Variants in CD164 observed in about 807,000 individuals in gnomAD.
CD164 encodes the protein CD164 molecule.
Under a neutral mutation model 24.6 loss-of-function variants are expected in CD164, and 11 were observed. The ratio of observed to expected loss-of-function variants is 0.45; its 90% CI spans 0.28 to 0.74. CD164 has a LOEUF of 0.74. CD164 is among the 30% of genes least tolerant of loss of function. The pLI is 0.13. For missense variants in CD164, 295 were observed against 243.7 expected (o/e 1.21, Z -1.40); for synonymous variants, 126 against 100.3 (o/e 1.26, Z -1.53).
chr6:109,368,791 T>C lies in CD164; in HGVS notation c.*60A>G. 1 of 1,551,854 alleles carries C rather than the reference T, an allele frequency of 6.4e-7. No individual in the cohort carries two copies. Among genetic ancestry groups the C allele is most frequent in the Non-Finnish European group, 8.7e-7 (1 of 1,154,690 alleles). ...ATGTGGGACATCTTAAAAGATAGTATTTTGGCTTCAGTGAGTTACACAAAT... is the reference window on the plus strand; with the variant it reads ...ATGTGGGACATCTTAAAAGATAGTACTTTGGCTTCAGTGAGTTACACAAAT... On this transcript the variant is annotated 3_prime_UTR_variant, in exon 6 of 6. Transcript: ENST00000310786.
chr6:109,382,094 G>T (rs986812946), intron 1 of CD164, 110 bp downstream of exon 1: 16 of 991,780 alleles, frequency 1.6e-5, no homozygotes, highest in Non-Finnish European at 2.1e-5. Context: ...CCCCGAGCGC[G>T]GCCCGCCCGC....
Position 109,370,446 on chromosome 6 carries a change from G to A in CD164, c.392C>T (p.Ser131Phe). The stretch of plus-strand genomic sequence containing the variant: ...AACTGTCTTGGAAGTTGTAGAAGGG[G>A]AGGGCTGAACTGTGGGTTTAGCTGG... ...NSTAKPTVQP[S>F]PSTTSKTVTT... The change falls in exon 5 of 6, where the codon TCC (serine) becomes TTC (phenylalanine). Residue 131 changes from serine (S) to phenylalanine (F), a missense_variant. By Grantham distance (155) the Ser-to-Phe change is radical (BLOSUM62 -2). Transcript: ENST00000310786. 1.9e-6 allele frequency: 3 copies of A among 1,613,254 alleles called. No homozygotes were observed. Among genetic ancestry groups the A allele is most frequent in the Non-Finnish European group, 2.5e-6 (3 of 1,179,528 alleles).
chr6:109,368,349 A>C lies in CD164; in HGVS notation c.*502T>G, dbSNP rs1770885238. On this transcript the variant is annotated 3_prime_UTR_variant, in exon 6 of 6. Transcript: ENST00000310786. ...TTCTAATGTAGAAAAAACAGCTGTT[A>C]TCAAGCACAAAATTTTAATCTAAGG... 13 of 1,531,180 alleles carry C rather than the reference A, an allele frequency of 8.5e-6. No individual in the cohort carries two copies. The highest frequency in any genetic ancestry group is 1.1e-5 in the Non-Finnish European group (13 of 1,138,814). The allele number at this position is 1,531,180 out of a possible 1,614,324, so 94.8% of individuals were successfully genotyped here.
chr6:109,368,021 CT>C lies in CD164; in HGVS notation c.*829del. On this transcript the variant is annotated 3_prime_UTR_variant, in exon 6 of 6. Transcript: ENST00000310786. The stretch of plus-strand genomic sequence containing the variant: ...TTCAATTCTGTATAACAGACTTTAG[CT>C]TAAGTTTCTCCGCTCTGAAATAAAT... 3.4e-6 allele frequency: 1 copy of C among 293,078 alleles called. No individual in the cohort carries two copies. Among genetic ancestry groups the C allele is most frequent in the Middle Eastern group, 6.1e-4 (1 of 1,638 alleles). 18.2% of individuals were successfully genotyped at this position (293,078 alleles called of 1,614,324 possible).
intron 1 of CD164, chr6:109,381,535 A>C (rs1444596152): frequency 1.4e-6 from 1 of 702,616 alleles, no homozygotes; most frequent in Non-Finnish European, 2.6e-6. Context: ...ACGTACGCAA[A>C]ACACCCGGTA....
intron 3 of CD164, 27 bp from the exon 4 acceptor site, chr6:109,376,139 C>A: frequency 6.6e-7 from 1 of 1,523,598 alleles, no homozygotes; most frequent in South Asian, 1.2e-5. Flanking sequence ...AAAGAAAAAC[C>A]ATATACATCA....
chr6:109,375,869 C>T (rs1434250067), intron 4 of CD164: 1 of 514,210 alleles, frequency 1.9e-6, no homozygotes, highest in Non-Finnish European at 3.3e-6. Flanking sequence ...AATCTGCTCA[C>T]ATTCACCGAC....
chr6:109,374,767 C>T (rs139109575), intron 4 of CD164, among the ~76,000 whole-genome samples: 1 of 152,306 alleles, frequency 6.6e-6, no homozygotes, highest in East Asian at 1.9e-4. Flanking sequence ...CACCGTACTA[C>T]TTCACATCTC....
rs1770912030 is a variant in CD164, at chr6:109,368,787, A to G, written c.*64T>C. ...TTCCATGTGGGACATCTTAAAAGAT[A>G]GTATTTTGGCTTCAGTGAGTTACAC... On this transcript the variant is annotated 3_prime_UTR_variant, in exon 6 of 6. Coordinates refer to ENST00000310786, the MANE Select transcript of CD164 (RefSeq NM_006016.6). The G allele has an allele frequency of 1.9e-6, 3 of 1,543,904 alleles. No homozygotes were observed. Among genetic ancestry groups the G allele is most frequent in the Non-Finnish European group, 1.7e-6 (2 of 1,150,990 alleles).
rs1340533310 is a variant in CD164 at position 109,382,192 on chromosome 6, G to A, written c.175+12C>T. 2 of 1,535,876 alleles carry A rather than the reference G, an allele frequency of 1.3e-6. No individual in the cohort carries two copies. The highest frequency in any genetic ancestry group is 1.2e-5 in the South Asian group (1 of 82,628). ...CAGGGGAGGGCGGGAAGCCCACAGG[G>A]CCCGCGCCCACCTGGTGCCGGAGTG... On this transcript the variant is annotated intron_variant, in intron 1 of 5. Coordinates refer to ENST00000310786, the MANE Select transcript of CD164 (RefSeq NM_006016.6).
Position 109,382,381 on chromosome 6 carries a change from T to C in CD164, c.-3A>G, listed in dbSNP as rs376141842. ...AGTGAGCGGGAGAGCCGCGACATCG[T>C]GTCCTCAGCGCTGGCGTTCGGGAGA... On this transcript the variant is annotated 5_prime_UTR_variant, in exon 1 of 6. Transcript: ENST00000310786. 50 of 1,532,064 alleles carry C rather than the reference T, an allele frequency of 3.3e-5. No individual in the cohort carries two copies. The highest frequency in any genetic ancestry group is 2.8e-4 in the Admixed American group (14 of 50,412). 94.9% of individuals were successfully genotyped at this position (1,532,064 alleles called of 1,614,324 possible).
In CD164 at chr6:109,368,271, G is replaced by A. The variant is rs985708799; in HGVS notation, c.*580C>T. On this transcript the variant is annotated 3_prime_UTR_variant, in exon 6 of 6. Coordinates refer to ENST00000310786, the MANE Select transcript of CD164 (RefSeq NM_006016.6). ...CAATAATCTGTTATACACACTAATG[G>A]TATCCTTTCATTTCTTTAAATCTGG... The A allele has an allele frequency of 1.3e-6, 2 of 1,539,500 alleles. No homozygotes were observed. The highest frequency in any genetic ancestry group is 2.8e-5 in the African/African-American group (2 of 72,406).
chr6:109,380,416 C>T (rs1431089692), intron 1 of CD164: 1 of 152,160 alleles, frequency 6.6e-6, no homozygotes, highest in Non-Finnish European at 1.5e-5. Context: ...GAATTGGGCT[C>T]CATTCATTTT....
chr6:109,376,145 C>A (rs764887351), intron 3 of CD164, 33 bp from the exon 4 acceptor site: 2 of 1,492,766 alleles, frequency 1.3e-6, no homozygotes, highest in Non-Finnish European at 1.8e-6. Context: ...AAACCATATA[C>A]ATCAAAGCTA....
At chr6:109,373,951 C>A (rs1048237718) in intron 4 of CD164, among the ~76,000 whole-genome samples, 1 of 152,170 alleles carries the variant, frequency 6.6e-6, no homozygotes, top group African/African-American at 2.4e-5. Flanking sequence ...AAGCCAGCTC[C>A]ACACACCACT....
rs1049311744 is a variant in CD164, at chr6:109,366,771, T to C, written c.*2080A>G. The C allele has an allele frequency of 1.0e-4, 16 of 152,608 alleles. No individual in the cohort carries two copies. The highest frequency in any genetic ancestry group is 3.4e-4 in the African/African-American group (14 of 41,436). The allele number at this position is 152,608 out of a possible 1,614,324, so 9.5% of individuals were successfully genotyped here. ...AAAATTAATGGCTCAAGATACTACA[T>C]TGCTAAAGTTAGGGGAAAAAAGTAA... On this transcript the variant is annotated 3_prime_UTR_variant, in exon 6 of 6. Transcript: ENST00000310786.
chr6:109,378,111 T>C (rs1454105823), intron 2 of CD164, 140 bp from the exon 3 acceptor site: 1 of 630,924 alleles, frequency 1.6e-6, no homozygotes, highest in South Asian at 2.0e-5. Flanking sequence ...TGTTTTGACC[T>C]AAAGTTAAAC....
At chr6:109,371,016 T>TATAAGAACAGGGGCC (rs1562236489) in intron 4 of CD164, 4 of 152,732 alleles carry the variant, frequency 2.6e-5, no homozygotes, top group African/African-American at 9.7e-5. Flanking sequence ...AATAAAGCTT[T>TATAAGAACAGGGGCC]ATAAGAACAG....
intron 2 of CD164, 98 bp from the exon 3 acceptor site, chr6:109,378,069 CT>C: frequency 2.0e-6 from 2 of 1,018,764 alleles, no homozygotes; most frequent in Non-Finnish European, 1.5e-6. Context: ...AACCCAAACA[CT>C]TTAGAAGTGG....
Sources: allele counts gnomAD v4.1 joint callset (sites outside exome capture counted in the v4.1 genomes callset), GRCh38; gene constraint gnomAD v4.1.1; transcripts MANE v1.5; gene names NCBI Gene and HGNC (gene_info 2026-07-23, HGNC 2026-07-21).